SLC39A14: variants seen among roughly 807,000 people sequenced by gnomAD.
The protein encoded by SLC39A14 is metal cation symporter ZIP14.
Under a neutral mutation model 45.5 loss-of-function variants are expected in SLC39A14, and 19 were observed. The observed-to-expected ratio is 0.42, with a 90% CI of 0.29 to 0.61. The LOEUF (loss-of-function observed/expected upper bound fraction) is 0.61. Ranked by LOEUF, SLC39A14 falls within the 20% of genes least tolerant of loss-of-function variation. The pLI, the probability that SLC39A14 is intolerant of heterozygous loss-of-function variation, is 0.22. For missense variants in SLC39A14, 447 were observed against 616.5 expected (o/e 0.73, Z 2.91); for synonymous variants, 264 against 251.3 (o/e 1.05, Z -0.48).
chr8:22,369,288 G>C (rs1033644370), intron 1 of SLC39A14, among the ~76,000 whole-genome samples: 2 of 152,228 alleles, frequency 1.3e-5, no homozygotes, highest in African/African-American at 4.8e-5. Context: ...GGGCAGTGCT[G>C]AGCGGGAGAT....
chr8:22,411,319 T>C (rs980600720), intron 3 of SLC39A14, among the ~76,000 whole-genome samples: 1 of 152,176 alleles, frequency 6.6e-6, no homozygotes, highest in African/African-American at 2.4e-5. Context: ...GAAATATTTT[T>C]GTGACAGGGT....
At chr8:22,386,570 A>T (rs1001117887) in intron 1 of SLC39A14, among the ~76,000 whole-genome samples, 5 of 152,210 alleles carry the variant, frequency 3.3e-5, no homozygotes, top group African/African-American at 1.2e-4. Context: ...CCCACCCCAG[A>T]TGACTCTTTC....
rs1357694363 is a variant in SLC39A14 at position 22,421,509 on chromosome 8, C to T, written c.*1811C>T. The T allele has an allele frequency of 1.0e-6, 1 of 985,196 alleles. No homozygotes were observed. The highest frequency in any genetic ancestry group is 1.2e-6 in the Non-Finnish European group (1 of 829,660). 61.0% of individuals were successfully genotyped at this position (985,196 alleles called of 1,614,324 possible). On this transcript the variant is annotated 3_prime_UTR_variant, in exon 9 of 9. Coordinates refer to ENST00000381237, the MANE Select transcript of SLC39A14 (RefSeq NM_001128431.4). ...CTGATTTCCTGGTGGGATTATGGTCCAGTTTTACCAAAGAACCAATTCCTT... is the reference window on the plus strand; with the variant it reads ...CTGATTTCCTGGTGGGATTATGGTCTAGTTTTACCAAAGAACCAATTCCTT...
chr8:22,405,078 C>T, intron 2 of SLC39A14, 98 bp downstream of exon 2: 1 of 1,143,952 alleles, frequency 8.7e-7, no homozygotes, highest in African/African-American at 1.5e-5. Context: ...GGCAGCTTGG[C>T]AGAGGTAGGA....
chr8:22,384,445 T>A (rs777795707), intron 1 of SLC39A14, among the ~76,000 whole-genome samples: 3,601 of 138,312 alleles, frequency 0.026, 51 homozygotes, highest in South Asian at 0.045. Flanking sequence ...CTTTATGTTT[T>A]AAAAAAAAAA....
At chr8:22,409,021 A>G (rs918685642) in intron 3 of SLC39A14, among the ~76,000 whole-genome samples, 3 of 151,956 alleles carry the variant, frequency 2.0e-5, no homozygotes, top group Non-Finnish European at 2.9e-5. Flanking sequence ...CGGTCTCACT[A>G]TGTTACCCAG....
At chr8:22,387,823 A>C (rs1169473671) in intron 1 of SLC39A14, among the ~76,000 whole-genome samples, 1 of 152,120 alleles carries the variant, frequency 6.6e-6, no homozygotes, top group East Asian at 1.9e-4. Context: ...TGTAGCCGGG[A>C]GCATTGGCTC....
Position 22,406,719 on chromosome 8 carries a change from G to A in SLC39A14, c.271-1591G>A, listed in dbSNP as rs556479040. ...AAATAAAAATTAAAAAAAGGGACGG[G>A]GGAACCACGTGGCTTGGATGCGAAC... On this transcript the variant is annotated intron_variant, in intron 2 of 8. Transcript: ENST00000381237. Among the ~76,000 whole-genome samples, 83 of 152,190 alleles carry A rather than the reference G, an allele frequency of 5.5e-4. 2 individuals are homozygous for A. In the South Asian group the frequency reaches 0.017, roughly 31 times the overall value.
chr8:22,384,655 A>G (rs1489892598), intron 1 of SLC39A14, among the ~76,000 whole-genome samples: 1 of 151,738 alleles, frequency 6.6e-6, no homozygotes, highest in Non-Finnish European at 1.5e-5. Context: ...GCTAAGGTGG[A>G]AGGATCGCCT....
chr8:22,388,067 G>A (rs1833881283), intron 1 of SLC39A14, among the ~76,000 whole-genome samples: 1 of 152,204 alleles, frequency 6.6e-6, no homozygotes, highest in East Asian at 1.9e-4. Context: ...TAAGCAGCAG[G>A]TGCTTATTAA....
chr8:22,379,713 G>A (rs1382626340), intron 1 of SLC39A14, among the ~76,000 whole-genome samples: 2 of 151,932 alleles, frequency 1.3e-5, no homozygotes, highest in Non-Finnish European at 2.9e-5. Flanking sequence ...GGTGGATCAC[G>A]AGGTCAAGAG....
At chr8:22,370,762 C>G (rs1248521262) in intron 1 of SLC39A14, among the ~76,000 whole-genome samples, 1 of 152,140 alleles carries the variant, frequency 6.6e-6, no homozygotes, top group East Asian at 1.9e-4. Flanking sequence ...GTCTCTTACT[C>G]TTTCCAGACT....
chr8:22,380,842 A>C (rs1426077920), intron 1 of SLC39A14, among the ~76,000 whole-genome samples: 1 of 151,708 alleles, frequency 6.6e-6, no homozygotes, highest in African/African-American at 2.4e-5. Flanking sequence ...ATGCCAAGCT[A>C]ATTATTGTAT....
At chr8:22,408,673 G>A (rs1395450363) in intron 3 of SLC39A14, among the ~76,000 whole-genome samples, 177 bp downstream of exon 3, 1 of 152,210 alleles carries the variant, frequency 6.6e-6, no homozygotes, top group Non-Finnish European at 1.5e-5. Context: ...TATTTTGCAA[G>A]GATGGCCTAG....
chr8:22,410,722 A>G (rs1018667405), intron 3 of SLC39A14, among the ~76,000 whole-genome samples: 6 of 152,216 alleles, frequency 3.9e-5, no homozygotes, highest in Non-Finnish European at 8.8e-5. Context: ...CTTTTTTCTG[A>G]TAGGACTGAC....
intron 1 of SLC39A14, among the ~76,000 whole-genome samples, chr8:22,372,451 TG>T (rs1832988019): frequency 6.6e-6 from 1 of 152,214 alleles, no homozygotes; most frequent in Non-Finnish European, 1.5e-5. Context: ...TTGCATAGTA[TG>T]GAAGTATCAT....
intron 1 of SLC39A14, among the ~76,000 whole-genome samples, chr8:22,393,713 C>T (rs1308091565): frequency 6.6e-6 from 1 of 152,084 alleles, no homozygotes. Context: ...TCTCTGTCAC[C>T]CAGGCTGGGG....
chr8:22,392,276 T>G (rs1834118260), intron 1 of SLC39A14, among the ~76,000 whole-genome samples: 1 of 152,298 alleles, frequency 6.6e-6, no homozygotes, highest in African/African-American at 2.4e-5. Flanking sequence ...CTGTGCAGCC[T>G]TTAAGCTCTG....
At chr8:22,370,808 A>C (rs1225537415) in intron 1 of SLC39A14, among the ~76,000 whole-genome samples, 2 of 152,074 alleles carry the variant, frequency 1.3e-5, no homozygotes, top group Non-Finnish European at 2.9e-5. Context: ...GTGAGCAGGG[A>C]AGGGACCTGC....
Sources: allele counts gnomAD v4.1 joint callset (sites outside exome capture counted in the v4.1 genomes callset), GRCh38; gene constraint gnomAD v4.1.1; transcripts MANE v1.5; gene names NCBI Gene and HGNC (gene_info 2026-07-23, HGNC 2026-07-21).